DIS3L2: variants seen among roughly 807,000 people sequenced by gnomAD.
The protein encoded by DIS3L2 is DIS3 like 3'-5' exoribonuclease 2.
DIS3L2 carries 34 observed loss-of-function variants against 97.5 expected under a neutral mutation model. The ratio of observed to expected loss-of-function variants is 0.35; its 90% CI spans 0.27 to 0.46. The LOEUF is 0.46. DIS3L2 is among the 20% of genes least tolerant of loss of function. The pLI, the probability that DIS3L2 is intolerant of heterozygous loss-of-function variation, is 1.00. For missense variants in DIS3L2, 1,038 were observed against 1,146.0 expected (o/e 0.91, Z 1.36); for synonymous variants, 435 against 445.2 (o/e 0.98, Z 0.29).
chr2:232,047,237 C>G (rs2106259391), intron 5 of DIS3L2, among the ~76,000 whole-genome samples: 1 of 152,280 alleles, frequency 6.6e-6, no homozygotes, highest in Middle Eastern at 3.4e-3. Context: ...TTGAGTGTTA[C>G]TGTTTTCCAT....
In DIS3L2 at chr2:232,037,830, C is replaced by G. The variant is rs1156364194; in HGVS notation, c.366+7750C>G. Among the ~76,000 whole-genome samples, 3 of 152,194 alleles carry G rather than the reference C, an allele frequency of 2.0e-5. No homozygotes were observed. Among genetic ancestry groups the G allele is most frequent in the Non-Finnish European group, 4.4e-5 (3 of 68,026 alleles). On this transcript the variant is annotated intron_variant, in intron 5 of 20. Transcript: ENST00000325385. This position sits in a 1 kb window ranked among gnomAD's most constrained non-coding sequence, Gnocchi z 4.6. ...TGCACTTCCTGGGTGAGGTAACGCCCCACCCTGCTTTGGCTTGCCCTCCGT... is the reference window on the plus strand; with the variant it reads ...TGCACTTCCTGGGTGAGGTAACGCCGCACCCTGCTTTGGCTTGCCCTCCGT...
chr2:232,241,630 A>G (rs1378725307), intron 11 of DIS3L2, among the ~76,000 whole-genome samples: 1 of 152,246 alleles, frequency 6.6e-6, no homozygotes, highest in Non-Finnish European at 1.5e-5. Flanking sequence ...GGTAGTGTCC[A>G]TTTAAATATC....
At chr2:232,107,873 G>T (rs1278309675) in intron 6 of DIS3L2, among the ~76,000 whole-genome samples, 1 of 152,070 alleles carries the variant, frequency 6.6e-6, no homozygotes. Context: ...TCCCTGAATA[G>T]ACTAATACTG....
rs1056029354 is a variant in DIS3L2 at position 232,258,885 on chromosome 2, G to C, written c.1426-4322G>C. 1.4e-4 allele frequency among the ~76,000 whole-genome samples: 21 copies of C among 152,288 alleles called. No individual in the cohort carries two copies. The South Asian group carries it at 1.7e-3, about 12-fold the overall frequency. ...CTTTGCTTTCTTGCTGCCTTTCTCT[G>C]TGTCAGACGACAACAGACTCCTTTC... On this transcript the variant is annotated intron_variant, in intron 12 of 20. Transcript: ENST00000325385.
chr2:232,186,068 C>A (rs952721135), intron 9 of DIS3L2, among the ~76,000 whole-genome samples: 2 of 152,086 alleles, frequency 1.3e-5, no homozygotes, highest in Non-Finnish European at 2.9e-5. Flanking sequence ...TGGACTCAAG[C>A]AGTCCACCTG....
At chr2:232,184,333 A>G (rs1311196059) in intron 9 of DIS3L2, among the ~76,000 whole-genome samples, 2 of 152,192 alleles carry the variant, frequency 1.3e-5, no homozygotes, top group South Asian at 2.1e-4. Context: ...AAAATAACAG[A>G]AAGAGTGAAA....
chr2:232,258,925 T>C (rs1025551525), intron 12 of DIS3L2, among the ~76,000 whole-genome samples: 3 of 152,182 alleles, frequency 2.0e-5, no homozygotes, highest in Non-Finnish European at 2.9e-5. Context: ...CTGCTTGGCG[T>C]CTGCAGAAGA....
chr2:231,961,845 G>C (rs182880762), intron 1 of DIS3L2, 80 bp downstream of exon 1: 2 of 152,448 alleles, frequency 1.3e-5, no homozygotes, highest in Non-Finnish European at 2.9e-5. Context: ...TCTGGCCTCT[G>C]GGGGGCTCCG....
At chr2:232,287,177 A>G (rs1174679714) in intron 13 of DIS3L2, among the ~76,000 whole-genome samples, 1 of 152,124 alleles carries the variant, frequency 6.6e-6, no homozygotes, top group Non-Finnish European at 1.5e-5. Context: ...AGCTAGAGGG[A>G]AAACAAGTTT....
chr2:232,108,486 C>T (rs541991404), intron 6 of DIS3L2, among the ~76,000 whole-genome samples: 4 of 152,252 alleles, frequency 2.6e-5, no homozygotes, highest in African/African-American at 9.6e-5. Flanking sequence ...TACTTGAAAA[C>T]CCTCATAAGA....
chr2:231,977,794 ATAAT>A (rs1240834013), intron 1 of DIS3L2, among the ~76,000 whole-genome samples: 2 of 149,024 alleles, frequency 1.3e-5, no homozygotes, highest in African/African-American at 4.8e-5. Flanking sequence ...CAGTTAGAAA[ATAAT>A]TAATGGAAAA....
intron 6 of DIS3L2, among the ~76,000 whole-genome samples, chr2:232,101,838 A>G (rs1194471690): frequency 6.6e-6 from 1 of 152,254 alleles, no homozygotes; most frequent in Non-Finnish European, 1.5e-5. Context: ...CAGGTTAAAC[A>G]TTCATAGTTC....
At chr2:232,084,897 C>T (rs370582530) in intron 5 of DIS3L2, among the ~76,000 whole-genome samples, 10 of 47,114 alleles carry the variant, frequency 2.1e-4, no homozygotes, top group East Asian at 4.9e-4. Context: ...TTATTCTGAT[C>T]GTTCTTTGTA....
Position 232,030,074 on chromosome 2 carries a change from T to A in DIS3L2, c.360T>A (p.His120Gln), listed in dbSNP as rs748055073. ...LVVVKLLPEE[H>Q]WKVVKPESND... ...TCGTGAAACTGCTTCCCGAGGAGCA[T>A]TGGAAGGTGAGTTAAGTTTTCCCTT... Residue 120 changes from histidine to glutamine, a missense_variant, in exon 5 of 21, where the codon CAT (histidine) becomes CAA (glutamine). By Grantham distance (24) the His-to-Gln change is conservative (BLOSUM62 0). Around this residue, in one of 3 missense-constraint regions of DIS3L2, gnomAD observed 813 missense variants for 880.1 expected, o/e 0.92. Coordinates refer to ENST00000325385, the MANE Select transcript of DIS3L2 (RefSeq NM_152383.5). 6.2e-7 allele frequency: 1 copy of A among 1,611,306 alleles called. No individual in the cohort carries two copies.
At chr2:232,089,035 A>T (rs192588651) in intron 6 of DIS3L2, among the ~76,000 whole-genome samples, 129 of 152,324 alleles carry the variant, frequency 8.5e-4, no homozygotes, top group African/African-American at 2.7e-3. Context: ...TTCAGCAGAC[A>T]ACTCGTTTAG....
intron 1 of DIS3L2, among the ~76,000 whole-genome samples, chr2:231,980,882 A>C (rs1188259794): frequency 2.0e-5 from 3 of 152,094 alleles, no homozygotes; most frequent in Non-Finnish European, 4.4e-5. Context: ...TGATCCTCTT[A>C]CTTCAGCCTC....
intron 9 of DIS3L2, among the ~76,000 whole-genome samples, chr2:232,176,180 C>T (rs979545404): frequency 2.6e-5 from 4 of 152,186 alleles, no homozygotes; most frequent in Admixed American, 6.5e-5. Flanking sequence ...CGTGAGCCAC[C>T]GCACCCGGCT....
At chr2:232,341,875 T>C (rs1324250039), downstream of DIS3L2, among the ~76,000 whole-genome samples, 2 of 152,150 alleles carry the variant, frequency 1.3e-5, no homozygotes, top group African/African-American at 2.4e-5. Flanking sequence ...GAAGCCCTTA[T>C]GGAGGGGCCC....
At chr2:232,338,026 C>A (rs575991950), downstream of DIS3L2, among the ~76,000 whole-genome samples, 1 of 151,302 alleles carries the variant, frequency 6.6e-6, no homozygotes, top group African/African-American at 2.4e-5. Flanking sequence ...CTCCTGGAGC[C>A]AAGTATCTGC....
Sources: gnomAD v4.1 joint callset for allele counts (sites outside exome capture counted in the v4.1 genomes callset) on GRCh38, gnomAD v4.1.1 for gene constraint, gnomAD v4.1.1 regional missense constraint, Gnocchi (gnomAD v3.1) non-coding constraint, MANE v1.5 for transcripts, NCBI Gene and HGNC (gene_info 2026-07-23, HGNC 2026-07-21) for gene names.